PIK3C2G: variants seen among roughly 807,000 people sequenced by gnomAD.
The protein encoded by PIK3C2G is phosphatidylinositol-4-phosphate 3-kinase catalytic subunit type 2 gamma, also known as phosphatidylinositol 3-kinase C2 domain-containing subunit gamma.
In PIK3C2G, 168 loss-of-function variants were observed where a neutral mutation model predicts 181.1. The ratio of observed to expected loss-of-function variants is 0.93; its 90% confidence interval spans 0.82 to 1.05. The LOEUF (loss-of-function observed/expected upper bound fraction) is 1.05. PIK3C2G is among the 50% of genes least tolerant of loss of function. PIK3C2G has a pLI of 0.00. For missense variants in PIK3C2G, 1,869 were observed against 1,732.8 expected, an observed-to-expected ratio of 1.08 and a Z score of -1.40; for synonymous variants, 573 against 592.2, an observed-to-expected ratio of 0.97 and a Z score of 0.47.
At chr12:18,496,669 G>T (rs557570582) in intron 21 of PIK3C2G, among the ~76,000 whole-genome samples, 1 of 152,098 alleles carries the variant, frequency 6.6e-6, no homozygotes, top group South Asian at 2.1e-4. Flanking sequence ...TTATAAGCAC[G>T]TAGGAAAGAG....
At chr12:18,278,013 C>A (rs374877611) in intron 1 of PIK3C2G, among the ~76,000 whole-genome samples, 8 of 152,072 alleles carry the variant, frequency 5.3e-5, no homozygotes, top group African/African-American at 1.7e-4. Flanking sequence ...TAATAGAGAG[C>A]TTTTTTGTGT....
At chr12:18,489,483 A>G (rs145192085) in intron 19 of PIK3C2G, among the ~76,000 whole-genome samples, 156 of 152,118 alleles carry the variant, frequency 1.0e-3, no homozygotes, top group African/African-American at 3.6e-3. Context: ...TCAGCCCAGG[A>G]TTTTTCTTGC....
At chr12:18,269,647 C>T (rs1203778980) in intron 1 of PIK3C2G, among the ~76,000 whole-genome samples, 1 of 152,074 alleles carries the variant, frequency 6.6e-6, no homozygotes, top group Non-Finnish European at 1.5e-5. Context: ...CAGTCAAATA[C>T]TCATAAAAAC....
chr12:18,421,005 C>A lies in PIK3C2G; in HGVS notation c.2380C>A (p.Leu794Ile). The change falls in exon 17 of 33, where the codon CTA (leucine) becomes ATA (isoleucine). Residue 794 changes from leucine to isoleucine, a missense_variant. Transcript: ENST00000538779. Reference protein sequence around the residue: ...QQLDNLLNDELLEYLPQLVQA... With the variant: ...QQLDNLLNDEILEYLPQLVQA... Reference sequence around the variant, plus strand: ...ATTAGACAACCTCTTGAATGATGAACTACTGGAATATCTCCCACAGCTAGT... The same window carrying A: ...ATTAGACAACCTCTTGAATGATGAAATACTGGAATATCTCCCACAGCTAGT... 1.2e-6 allele frequency: 2 copies of A among 1,602,022 alleles called. No homozygotes were observed. Among genetic ancestry groups the A allele is most frequent in the Non-Finnish European group, 8.6e-7 (1 of 1,169,522 alleles).
At chr12:18,693,361 G>T in the PIK3C2G span, 8 of 1,600,242 alleles carry the variant, frequency 5.0e-6, no homozygotes, top group African/African-American at 5.4e-5. Context: ...AACCAAATTC[G>T]GGAAATTAAG....
chr12:18,429,718 C>T (rs1266762326), intron 18 of PIK3C2G, among the ~76,000 whole-genome samples: 2 of 152,156 alleles, frequency 1.3e-5, no homozygotes, highest in Admixed American at 1.3e-4. Context: ...TATGAATCCA[C>T]AGAAATGTCT....
intron 25 of PIK3C2G, among the ~76,000 whole-genome samples, chr12:18,543,944 G>C (rs1944295272): frequency 6.6e-6 from 1 of 151,758 alleles, no homozygotes; most frequent in Non-Finnish European, 1.5e-5. Flanking sequence ...GATCTAATAT[G>C]ACAAACATAC....
intron 16 of PIK3C2G, among the ~76,000 whole-genome samples, chr12:18,420,029 GGTTT>G (rs964643042): frequency 9.2e-5 from 14 of 151,958 alleles, no homozygotes; most frequent in African/African-American, 1.2e-4. Flanking sequence ...ATTAATTTCT[GGTTT>G]GTTTGTTTTT....
chr12:18,398,492 T>C (rs1944029435), intron 15 of PIK3C2G, among the ~76,000 whole-genome samples: 1 of 152,216 alleles, frequency 6.6e-6, no homozygotes, highest in African/African-American at 2.4e-5. Context: ...TTAAAAGATT[T>C]TTTTATGTTT....
At chr12:18,271,088 C>T (rs530799245) in intron 1 of PIK3C2G, among the ~76,000 whole-genome samples, 1 of 152,194 alleles carries the variant, frequency 6.6e-6, no homozygotes, top group Non-Finnish European at 1.5e-5. Flanking sequence ...TCCCATGCCC[C>T]TCATACCAAG....
intron 8 of PIK3C2G, among the ~76,000 whole-genome samples, chr12:18,328,188 C>A (rs574218037): frequency 6.6e-6 from 1 of 151,836 alleles, no homozygotes; most frequent in Non-Finnish European, 1.5e-5. Context: ...CATGAAACAT[C>A]GATCTGGTCA....
intron 5 of PIK3C2G, among the ~76,000 whole-genome samples, chr12:18,297,398 T>C (rs1019279665): frequency 1.3e-5 from 2 of 152,226 alleles, no homozygotes; most frequent in Non-Finnish European, 2.9e-5. Flanking sequence ...CTTTGTGTGA[T>C]ATATTTTCTT....
At chr12:18,344,064 T>G (rs938725274) in intron 10 of PIK3C2G, among the ~76,000 whole-genome samples, 10 of 152,156 alleles carry the variant, frequency 6.6e-5, no homozygotes, top group Non-Finnish European at 1.0e-4. Context: ...GATCCCGTTA[T>G]AGTAATATGC....
Position 18,421,047 on chromosome 12 carries a change from G to A in PIK3C2G, c.2409+13G>A. 2 of 1,400,234 alleles carry A rather than the reference G, an allele frequency of 1.4e-6. No individual in the cohort carries two copies. Among genetic ancestry groups the A allele is most frequent in the Non-Finnish European group, 2.0e-6 (2 of 986,926 alleles). 86.7% of individuals were successfully genotyped at this position (1,400,234 alleles called of 1,614,324 possible). On this transcript the variant is annotated intron_variant, in intron 17 of 32. Coordinates refer to ENST00000538779, the MANE Select transcript of PIK3C2G (RefSeq NM_001288772.2). ...ACAGCTAGTTCAGGTAAGAATAGAA[G>A]AGTTGCTAAGGAAACCCAGGGTTTT...
intron 1 of PIK3C2G, among the ~76,000 whole-genome samples, chr12:18,267,416 A>G (rs756467758): frequency 6.6e-6 from 1 of 152,220 alleles, no homozygotes; most frequent in South Asian, 2.1e-4. Context: ...TTCGTTATAC[A>G]TAGCATATAT....
chr12:18,396,376 G>C (rs1021894915), intron 15 of PIK3C2G, among the ~76,000 whole-genome samples: 2 of 151,544 alleles, frequency 1.3e-5, no homozygotes, highest in African/African-American at 2.4e-5. Flanking sequence ...ACCTTGAAAA[G>C]TGATCTATGA....
chr12:18,681,526 C>A, the PIK3C2G span, among the ~76,000 whole-genome samples: 3 of 151,962 alleles, frequency 2.0e-5, no homozygotes, highest in African/African-American at 7.2e-5. Flanking sequence ...TGAATAAAAT[C>A]TGTTAATAGT....
chr12:18,253,505 G>A (rs952143111), intron 1 of PIK3C2G, among the ~76,000 whole-genome samples: 2 of 152,128 alleles, frequency 1.3e-5, no homozygotes, highest in Non-Finnish European at 2.9e-5. Flanking sequence ...ATTATCATAC[G>A]AGTCAGAAAG....
At chr12:18,379,005 C>A (rs1400142453) in intron 13 of PIK3C2G, among the ~76,000 whole-genome samples, 1 of 152,104 alleles carries the variant, frequency 6.6e-6, no homozygotes, top group Non-Finnish European at 1.5e-5. Flanking sequence ...CCAGCCATCC[C>A]ATTACTGGGT....
Sources: allele counts gnomAD v4.1 joint callset (sites outside exome capture counted in the v4.1 genomes callset), GRCh38; gene constraint gnomAD v4.1.1; transcripts MANE v1.5; gene names NCBI Gene and HGNC (gene_info 2026-07-23, HGNC 2026-07-21).